MALRD1: variants seen among roughly 807,000 people sequenced by gnomAD.
The protein encoded by MALRD1 is MAM and LDL receptor class A domain containing 1.
A neutral mutation model predicts 242.1 loss-of-function variants in MALRD1; 247 were observed. The observed-to-expected ratio is 1.02, with a 90% CI of 0.92 to 1.13. MALRD1 has a LOEUF of 1.13. Ranked by LOEUF, MALRD1 falls within the 50% of genes most tolerant of loss-of-function variation. The pLI, the probability that MALRD1 is intolerant of heterozygous loss-of-function variation, is 0.00. For missense variants in MALRD1, 2,989 were observed against 2,533.1 expected (o/e 1.18, Z -3.86); for synonymous variants, 995 against 866.6 (o/e 1.15, Z -2.60).
chr10:19,173,260 C>T (rs1296053523), intron 13 of MALRD1, among the ~76,000 whole-genome samples: 1 of 151,630 alleles, frequency 6.6e-6, no homozygotes, highest in African/African-American at 2.4e-5. Flanking sequence ...ATTTTTTTTA[C>T]TCCAAAACAC....
At chr10:19,583,824 G>C (rs1837251832) in intron 33 of MALRD1, among the ~76,000 whole-genome samples, 1 of 151,998 alleles carries the variant, frequency 6.6e-6, no homozygotes, top group South Asian at 2.1e-4. Context: ...TGTACCTCTG[G>C]TAGAATTTGG....
intron 29 of MALRD1, among the ~76,000 whole-genome samples, chr10:19,456,900 G>A (rs113899947): frequency 0.073 from 11,092 of 151,792 alleles, 1,103 homozygotes; most frequent in African/African-American, 0.23. Context: ...AGCCTCGTGA[G>A]TAGCCGGGAT....
intron 29 of MALRD1, among the ~76,000 whole-genome samples, chr10:19,463,380 ATGCATCCTCTGCATCCTC>A (rs61515073): frequency 6.6e-6 from 1 of 150,654 alleles, no homozygotes; most frequent in African/African-American, 2.4e-5. Context: ...TTATGATACA[ATGCATCCTCTGCATCCTC>A]TGCATCCTCA....
At chr10:19,440,034 T>G (rs1326059443) in intron 28 of MALRD1, among the ~76,000 whole-genome samples, 1 of 152,198 alleles carries the variant, frequency 6.6e-6, no homozygotes, top group African/African-American at 2.4e-5. Context: ...TGGGGCGTAC[T>G]CATCACACTT....
At position 19,190,156 on chromosome 10, in the gene MALRD1, A is replaced by G. The variant is rs552193050; in HGVS notation, c.1952-13572A>G. On this transcript the variant is annotated intron_variant, in intron 14 of 39. Transcript: ENST00000454679. ...ACAAAAATTGGTTGCATTTCTTTAC[A>G]TTAGCAATGAACCATCCAAAAAGGA... 7.9e-5 allele frequency among the ~76,000 whole-genome samples: 12 copies of G among 152,214 alleles called. No homozygotes were observed. The South Asian group carries it at 2.3e-3, about 29-fold the overall frequency.
chr10:19,148,773 T>TAAAA lies in MALRD1; in HGVS notation c.1558+2442_1558+2445dup, dbSNP rs1174673634. On this transcript the variant is annotated intron_variant, in intron 11 of 39. Transcript: ENST00000454679. ...CTTTCTCATTTTAGAAAGGGCCAATTAAAAAAAAAAAAAAAATATATATAT... is the reference window on the plus strand; with the variant it reads ...CTTTCTCATTTTAGAAAGGGCCAATTAAAAAAAAAAAAAAAAAAAATATATATAT... Among the ~76,000 whole-genome samples, 1,112 of 114,392 alleles carry TAAAA rather than the reference T, an allele frequency of 9.7e-3. 31 individuals are homozygous for TAAAA. The highest frequency in any genetic ancestry group is 0.016 in the Non-Finnish European group (857 of 55,178). 75.0% of individuals were successfully genotyped at this position (114,392 alleles called of 152,430 possible).
At chr10:19,598,269 T>C (rs1838198305) in intron 34 of MALRD1, 2 of 152,146 alleles carry the variant, frequency 1.3e-5, no homozygotes, top group East Asian at 1.9e-4. Flanking sequence ...TCAGGGATCA[T>C]GTCTATAGTT....
chr10:19,585,720 C>T (rs1158159199), intron 33 of MALRD1, among the ~76,000 whole-genome samples: 14 of 152,032 alleles, frequency 9.2e-5, no homozygotes, highest in Non-Finnish European at 1.8e-4. Flanking sequence ...TTGCTCTTCT[C>T]GAGGAGTATC....
At chr10:19,481,197 C>G (rs1157307258) in intron 29 of MALRD1, among the ~76,000 whole-genome samples, 1 of 152,074 alleles carries the variant, frequency 6.6e-6, no homozygotes, top group East Asian at 1.9e-4. Context: ...TGTTTCTGTG[C>G]ACTAATACAT....
rs571320070 is a variant in MALRD1 at position 19,711,489 on chromosome 10, A to G, written c.6314+18935A>G. 4.6e-5 allele frequency among the ~76,000 whole-genome samples: 7 copies of G among 152,346 alleles called. No individual in the cohort carries two copies. The East Asian group carries it at 9.7e-4, about 21-fold the overall frequency. On this transcript the variant is annotated intron_variant, in intron 38 of 39. Transcript: ENST00000454679. ...TCAATACTGCAATAAGCATATATCA[A>G]ACATATACAATCACTTCATAGAAAG...
At chr10:19,655,121 GT>G (rs1346015465) in intron 36 of MALRD1, among the ~76,000 whole-genome samples, 8 of 152,068 alleles carry the variant, frequency 5.3e-5, no homozygotes, top group Admixed American at 2.6e-4. Context: ...AGCTGCAAAG[GT>G]TATAGAAACT....
chr10:19,455,819 G>A (rs1226145976), intron 29 of MALRD1, among the ~76,000 whole-genome samples: 2 of 152,140 alleles, frequency 1.3e-5, no homozygotes, highest in African/African-American at 2.4e-5. Flanking sequence ...ACACATCTAC[G>A]GAGAGCTGGG....
At chr10:19,103,760 A>G (rs917396288) in intron 4 of MALRD1, among the ~76,000 whole-genome samples, 10 of 152,168 alleles carry the variant, frequency 6.6e-5, no homozygotes, top group Middle Eastern at 3.4e-3. Context: ...CATGTTACCT[A>G]TCCTATGCCA....
At chr10:19,356,112 CA>C (rs1210657237) in intron 26 of MALRD1, among the ~76,000 whole-genome samples, 4 of 151,212 alleles carry the variant, frequency 2.6e-5, no homozygotes, top group Non-Finnish European at 4.4e-5. Flanking sequence ...TCCGTAAGAC[CA>C]ACTACCACTA....
intron 26 of MALRD1, among the ~76,000 whole-genome samples, chr10:19,365,948 T>C (rs2130724694): frequency 6.6e-6 from 1 of 152,094 alleles, no homozygotes; most frequent in African/African-American, 2.4e-5. Context: ...TTACCATACA[T>C]TAGATTTGTT....
chr10:19,378,664 G>T (rs2130776793), intron 26 of MALRD1, among the ~76,000 whole-genome samples: 1 of 152,090 alleles, frequency 6.6e-6, no homozygotes, highest in African/African-American at 2.4e-5. Flanking sequence ...TGAATTCCTT[G>T]CACTCTGACA....
intron 21 of MALRD1, among the ~76,000 whole-genome samples, chr10:19,292,641 C>A (rs551187497): frequency 6.6e-6 from 1 of 152,174 alleles, no homozygotes; most frequent in East Asian, 1.9e-4. Flanking sequence ...GCCTGTAATC[C>A]CATCACTTTG....
At chr10:19,621,257 A>G (rs928848872) in intron 36 of MALRD1, among the ~76,000 whole-genome samples, 8 of 151,418 alleles carry the variant, frequency 5.3e-5, no homozygotes, top group Admixed American at 6.6e-5. Flanking sequence ...AGTTAAATTA[A>G]ATATTATTTA....
chr10:19,639,274 T>G (rs1316825365), intron 36 of MALRD1, among the ~76,000 whole-genome samples: 1 of 152,190 alleles, frequency 6.6e-6, no homozygotes, highest in African/African-American at 2.4e-5. Context: ...TTAAATGAGT[T>G]TATTATTTGT....
Sources: allele counts gnomAD v4.1 joint callset (sites outside exome capture counted in the v4.1 genomes callset), GRCh38; gene constraint gnomAD v4.1.1; transcripts MANE v1.5; gene names NCBI Gene and HGNC (gene_info 2026-07-23, HGNC 2026-07-21).